MICAL3: variants seen among roughly 807,000 people sequenced by gnomAD.
MICAL3 encodes [F-actin]-monooxygenase MICAL3.
MICAL3 carries 62 observed loss-of-function variants against 207.4 expected under a neutral mutation model. The observed-to-expected ratio is 0.30, with a 90% confidence interval of 0.24 to 0.37. The LOEUF is 0.37. Among genes scored for constraint, MICAL3 ranks in the 10% least tolerant of loss-of-function variants. MICAL3 has a pLI of 1.00. For synonymous variants in MICAL3, 1,077 were observed against 1,069.3 expected, an observed-to-expected ratio of 1.01 and a Z score of -0.14; for missense variants, 2,368 against 2,635.6, an observed-to-expected ratio of 0.90 and a Z score of 2.22.
intron 1 of MICAL3, among the ~76,000 whole-genome samples, chr22:17,908,627 G>T (rs769385198): frequency 6.6e-6 from 1 of 152,118 alleles, no homozygotes; most frequent in Admixed American, 6.5e-5. Context: ...GTTCTCCAAG[G>T]CTACTGCTGA....
chr22:17,874,977 GACC>G (rs1928135913), intron 16 of MICAL3, among the ~76,000 whole-genome samples: 1 of 152,196 alleles, frequency 6.6e-6, no homozygotes, highest in Admixed American at 6.5e-5. Flanking sequence ...CCTACAACTG[GACC>G]AGCGCTACTT....
At chr22:17,991,936 C>T (rs436007) in intron 1 of MICAL3, among the ~76,000 whole-genome samples, 10,228 of 152,190 alleles carry the variant, frequency 0.067, 444 homozygotes, top group East Asian at 0.21. Flanking sequence ...GACACAGCAC[C>T]GTGGTCCTAG....
intron 21 of MICAL3, among the ~76,000 whole-genome samples, chr22:17,828,049 AG>A (rs1922392809): frequency 6.6e-6 from 1 of 152,218 alleles, no homozygotes; most frequent in South Asian, 2.1e-4. Context: ...AATTCAGTGA[AG>A]AGAATCACAC....
chr22:17,931,553 G>A (rs192055861), intron 1 of MICAL3, among the ~76,000 whole-genome samples: 19 of 152,306 alleles, frequency 1.2e-4, no homozygotes, highest in Admixed American at 1.1e-3. Context: ...CAAACTACCA[G>A]CAAGCTACCA....
chr22:17,810,401 T>A (rs533686160), intron 28 of MICAL3, among the ~76,000 whole-genome samples: 2 of 152,100 alleles, frequency 1.3e-5, no homozygotes, highest in South Asian at 4.2e-4. Context: ...TTTTGCCATG[T>A]TGGCCAGGCT....
chr22:17,992,922 G>A (rs1271257208), intron 1 of MICAL3, among the ~76,000 whole-genome samples: 1 of 152,182 alleles, frequency 6.6e-6, no homozygotes, highest in African/African-American at 2.4e-5. Context: ...TAGAAATGAT[G>A]TGTGCGCAGT....
chr22:17,936,898 T>C (rs1346180990), intron 1 of MICAL3, among the ~76,000 whole-genome samples: 1 of 152,200 alleles, frequency 6.6e-6, no homozygotes, highest in African/African-American at 2.4e-5. Flanking sequence ...ACGTGCTTGG[T>C]CTTGACTCCT....
chr22:17,808,098 C>G (rs772544759), intron 29 of MICAL3, among the ~76,000 whole-genome samples: 3 of 152,268 alleles, frequency 2.0e-5, no homozygotes, highest in Non-Finnish European at 4.4e-5. Context: ...AGAGATGCCT[C>G]AGGCACTCCC....
intron 11 of MICAL3, among the ~76,000 whole-genome samples, chr22:17,893,106 G>C (rs1930516231): frequency 6.6e-6 from 1 of 152,162 alleles, no homozygotes; most frequent in African/African-American, 2.4e-5. Flanking sequence ...TTCACCAGCA[G>C]CAAAGCTTGG....
intron 1 of MICAL3, among the ~76,000 whole-genome samples, chr22:18,011,130 G>A (rs1024357552): frequency 3.3e-5 from 5 of 152,172 alleles, no homozygotes; most frequent in African/African-American, 7.2e-5. Flanking sequence ...TCGGCCTCCA[G>A]GGACTGTATC....
In MICAL3 at chr22:17,841,976, G is replaced by A. The variant is rs1924058053; in HGVS notation, c.2647C>T (p.Arg883Ter). 1.2e-6 allele frequency: 2 copies of A among 1,605,828 alleles called. No individual in the cohort carries two copies. Among genetic ancestry groups the A allele is most frequent in the Non-Finnish European group, 1.7e-6 (2 of 1,179,360 alleles). Residue 883 changes from arginine to a stop codon, truncating the protein, a stop_gained, in exon 20 of 32, where the codon CGA becomes TGA. Transcript: ENST00000441493. LOFTEE classifies it high-confidence loss of function. The surrounding 1 kb of genome is among the most constrained non-coding windows in gnomAD (Gnocchi z 4.2). Reference sequence around the variant, plus strand: ...ATCCGCTCTGGGGTGCCCCTCAGTCGCTTGGCGATGCTGGGCTCCTCCAGG... The same window carrying A: ...ATCCGCTCTGGGGTGCCCCTCAGTCACTTGGCGATGCTGGGCTCCTCCAGG... ...NGLEEPSIAK[R>*]LRGTPERIEL... is the part of the protein sequence containing the mutation.
chr22:17,864,201 T>G (rs1926816849), intron 19 of MICAL3: 1 of 995,494 alleles, frequency 1.0e-6, no homozygotes, highest in Admixed American at 5.5e-5. Flanking sequence ...ATAAATGTGT[T>G]TGTAGAGGTA....
At chr22:17,984,742 G>T (rs566019773) in intron 1 of MICAL3, among the ~76,000 whole-genome samples, 1 of 152,326 alleles carries the variant, frequency 6.6e-6, no homozygotes, top group South Asian at 2.1e-4. Flanking sequence ...TCCATGGCAG[G>T]TGTTATGCTA....
intron 1 of MICAL3, among the ~76,000 whole-genome samples, chr22:17,991,549 G>A (rs1358228859): frequency 1.3e-5 from 2 of 152,276 alleles, no homozygotes; most frequent in Non-Finnish European, 2.9e-5. Context: ...TGGTGGTCAT[G>A]CACAGAAGGA....
rs1258979203 is a variant in MICAL3 at position 17,797,955 on chromosome 22, CT to C, written c.5651-6655del. Among the ~76,000 whole-genome samples, 8 of 152,352 alleles carry C rather than the reference CT, an allele frequency of 5.3e-5. 1 individual carries two copies. Among genetic ancestry groups the C allele is most frequent in the Admixed American group, 5.2e-4 (8 of 15,306 alleles). The stretch of plus-strand genomic sequence containing the variant: ...CCACTAGACAGGCTCCCAGCTCCCC[CT>C]GGTTGGACAAAGGCACCATCACCAC... On this transcript the variant is annotated intron_variant, in intron 29 of 31. Coordinates refer to ENST00000441493, the MANE Select transcript of MICAL3 (RefSeq NM_015241.3).
In MICAL3 at chr22:17,816,734, T is replaced by G; in HGVS notation, c.5401A>C (p.Ser1801Arg). The part of the protein sequence containing the change: ...LSFSEDSDLS[S>R]DDVLEKSSQK... ...GAGGACTTCTCAAGGACATCGTCGC[T>G]GGAGAGGTCTGAGTCCTCGGAGAAG... Residue 1801 changes from serine to arginine, a missense_variant, in exon 27 of 32, where the codon AGC becomes CGC. Transcript: ENST00000441493. 2 of 1,552,552 alleles carry G rather than the reference T, an allele frequency of 1.3e-6. No homozygotes were observed. The highest frequency in any genetic ancestry group is 1.7e-6 in the Non-Finnish European group (2 of 1,147,780).
intron 13 of MICAL3, 99 bp downstream of exon 13, chr22:17,888,935 G>A: frequency 5.3e-6 from 4 of 757,526 alleles, no homozygotes; most frequent in East Asian, 5.6e-5. Context: ...GTAACTTTGT[G>A]TTTGGTGGCA....
At position 17,998,040 on chromosome 22, in the gene MICAL3, G is replaced by A. The variant is rs553061415; in HGVS notation, c.-75+26241C>T. ...ACCTGGGCCGGGTGTGGTGGCTTAC[G>A]CCTGTAATCTCAGCACTTTGGAAGG... On this transcript the variant is annotated intron_variant, in intron 1 of 31. Coordinates refer to ENST00000441493, the MANE Select transcript of MICAL3 (RefSeq NM_015241.3). Among the ~76,000 whole-genome samples, 62 of 152,190 alleles carry A rather than the reference G, an allele frequency of 4.1e-4. No homozygotes were observed. The South Asian group carries it at 9.6e-3, about 23-fold the overall frequency.
Position 17,790,925 on chromosome 22 carries a change from A to T in MICAL3, c.5825-9T>A, listed in dbSNP as rs2061817392. The T allele has an allele frequency of 7.4e-6, 12 of 1,613,384 alleles. No individual in the cohort carries two copies. The highest frequency in any genetic ancestry group is 1.0e-5 in the Non-Finnish European group (12 of 1,179,842). On this transcript the variant is annotated splice_polypyrimidine_tract_variant and intron_variant, in intron 31 of 31. Transcript: ENST00000441493. ...CTCAGTCTTAAGGTGATCTTGAAGGAGAAGAAGGCATGAGGTGAGGGGCCT... is the reference window on the plus strand; with the variant it reads ...CTCAGTCTTAAGGTGATCTTGAAGGTGAAGAAGGCATGAGGTGAGGGGCCT...
Sources: allele counts gnomAD v4.1 joint callset (sites outside exome capture counted in the v4.1 genomes callset), GRCh38; gene constraint gnomAD v4.1.1; non-coding constraint Gnocchi (gnomAD v3.1); transcripts MANE v1.5; gene names NCBI Gene and HGNC (gene_info 2026-07-23, HGNC 2026-07-21).